PRRC2B: variants seen among roughly 807,000 people sequenced by gnomAD.
The protein encoded by PRRC2B is proline rich coiled-coil 2B.
PRRC2B carries 68 observed loss-of-function variants against 242.3 expected under a neutral mutation model. That is an observed-to-expected ratio of 0.28 (90% confidence interval 0.23 to 0.34). The LOEUF is 0.34. Ranked by LOEUF, PRRC2B falls within the 10% of genes least tolerant of loss-of-function variation. PRRC2B has a pLI of 1.00. For missense variants in PRRC2B, 2,835 were observed against 2,954.8 expected (o/e 0.96, Z 0.94); for synonymous variants, 1,228 against 1,173.6 (o/e 1.05, Z -0.95).
chr9:131,396,173 C>T (rs1406256680), intron 1 of PRRC2B, among the ~76,000 whole-genome samples: 1 of 152,054 alleles, frequency 6.6e-6, no homozygotes, highest in Non-Finnish European at 1.5e-5. Context: ...ATTGTTTTCT[C>T]TCCATAGGAA....
intron 3 of PRRC2B, among the ~76,000 whole-genome samples, chr9:131,433,854 T>G (rs1838256840): frequency 6.6e-6 from 1 of 152,226 alleles, no homozygotes; most frequent in Non-Finnish European, 1.5e-5. Context: ...GTGAGCTAGT[T>G]TAGTTATTCA....
At chr9:131,478,763 G>GT in intron 18 of PRRC2B, 144 bp downstream of exon 18, 1 of 621,052 alleles carries the variant, frequency 1.6e-6, no homozygotes, top group Non-Finnish European at 2.8e-6. Context: ...AGCACACATT[G>GT]TCTCCCCGTT....
chr9:131,479,579 C>T (rs773459805), intron 19 of PRRC2B, among the ~76,000 whole-genome samples, 186 bp downstream of exon 19: 5 of 137,998 alleles, frequency 3.6e-5, no homozygotes, highest in Non-Finnish European at 7.8e-5. Context: ...TGCTGCAACC[C>T]CCAAACGGAT....
chr9:131,467,584 A>G lies in PRRC2B; in HGVS notation c.1742A>G (p.Gln581Arg), dbSNP rs781192867. ...VHKGSPEFPA[Q>R]ETPTTFPEEA... ...CTAGGCTCCCCAGAATTCCCTGCCC[A>G]AGAGACCCCCACCACATTCCCAGAA... The change falls in exon 13 of 32, where the codon CAA becomes CGA. Residue 581 changes from glutamine (Q) to arginine (R), a missense_variant. Coordinates refer to ENST00000683519, the MANE Select transcript of PRRC2B (RefSeq NM_013318.4). 2.5e-6 allele frequency: 4 copies of G among 1,610,502 alleles called. No homozygotes were observed. The South Asian group carries it at 3.3e-5, about 13-fold the overall frequency.
intron 1 of PRRC2B, among the ~76,000 whole-genome samples, chr9:131,411,530 TAG>T (rs780931229): frequency 2.6e-5 from 4 of 151,616 alleles, no homozygotes; most frequent in African/African-American, 4.8e-5. Context: ...GTATTTTTAG[TAG>T]AGACAGGGTT....
rs1464917209 is a variant in PRRC2B at position 131,500,177 on chromosome 9, AAAAAAGTTT to A, written c.*4310_*4318del. ...TGAAAGAATTCTCCTTATTTAAATA[AAAAAAGTTT>A]AAAAAGATAAAGCTGAACGTGCTTT... On this transcript the variant is annotated 3_prime_UTR_variant, in exon 32 of 32. Transcript: ENST00000683519. 1.3e-5 allele frequency: 2 copies of A among 152,198 alleles called. No homozygotes were observed. Among genetic ancestry groups the A allele is most frequent in the Non-Finnish European group, 2.9e-5 (2 of 68,032 alleles). The allele number at this position is 152,198 out of a possible 1,614,324, so 9.4% of individuals were successfully genotyped here.
At chr9:131,394,301 CG>C (rs1438278764) in intron 1 of PRRC2B, 38 bp downstream of exon 1, 1 of 146,612 alleles carries the variant, frequency 6.8e-6, no homozygotes, top group Non-Finnish European at 1.5e-5. Context: ...GGCGTGGGGG[CG>C]GCGGCGCTAA....
intron 19 of PRRC2B, among the ~76,000 whole-genome samples, chr9:131,481,227 G>A (rs1414324515): frequency 2.7e-5 from 4 of 146,184 alleles, no homozygotes; most frequent in East Asian, 4.1e-4. Context: ...GGAGAATGGC[G>A]TGAACCCGGG....
At chr9:131,385,989 G>A (rs899362475) in intron 1 of PRRC2B, among the ~76,000 whole-genome samples, 2 of 150,506 alleles carry the variant, frequency 1.3e-5, no homozygotes, top group Non-Finnish European at 3.0e-5. Flanking sequence ...CACGGCGCCC[G>A]GCCATCATTC....
At chr9:131,428,810 A>G (rs1838043685) in intron 1 of PRRC2B, among the ~76,000 whole-genome samples, 1 of 152,212 alleles carries the variant, frequency 6.6e-6, no homozygotes, top group South Asian at 2.1e-4. Context: ...GATTATAGGC[A>G]TGAGCCACTG....
chr9:131,448,570 A>AAAGGAAAAAAAAAAAAG (rs1838902755), intron 9 of PRRC2B, among the ~76,000 whole-genome samples: 1 of 140,434 alleles, frequency 7.1e-6, no homozygotes, highest in African/African-American at 2.6e-5. Flanking sequence ...AAAAAAAAAA[A>AAAGGAAAAAAAAAAAAG]GGAAAGAGAA....
intron 5 of PRRC2B, 93 bp from the exon 6 acceptor site, chr9:131,444,092 C>G (rs143768882): frequency 2.3e-5 from 33 of 1,453,186 alleles, no homozygotes; most frequent in African/African-American, 2.2e-4. Flanking sequence ...AAGCCCACTT[C>G]CAGGCAACAC....
chr9:131,477,686 G>T, intron 16 of PRRC2B, 58 bp from the exon 17 acceptor site: 2 of 1,029,786 alleles, frequency 1.9e-6, no homozygotes, highest in Non-Finnish European at 2.9e-6. Context: ...CTGTGTGCAC[G>T]TGCGGTGTTT....
chr9:131,374,920 C>T (rs1244970969), intron 1 of PRRC2B, among the ~76,000 whole-genome samples: 1 of 151,708 alleles, frequency 6.6e-6, no homozygotes, highest in Non-Finnish European at 1.5e-5. Context: ...CCCCAGGGTA[C>T]CACTGCCTCT....
intron 3 of PRRC2B, among the ~76,000 whole-genome samples, chr9:131,434,232 A>AC (rs1357406030): frequency 6.6e-6 from 1 of 152,184 alleles, no homozygotes; most frequent in Non-Finnish European, 1.5e-5. Flanking sequence ...TTCCATTCAC[A>AC]CCATGAGCTC....
chr9:131,478,224 C>G (rs1292275487), intron 17 of PRRC2B, among the ~76,000 whole-genome samples: 1 of 414 alleles, frequency 2.4e-3, no homozygotes, highest in Non-Finnish European at 4.9e-3. Flanking sequence ...GGTGGTGTGT[C>G]CGAGGTCACA....
intron 1 of PRRC2B, among the ~76,000 whole-genome samples, chr9:131,385,784 C>G (rs1836818483): frequency 6.7e-6 from 1 of 149,184 alleles, no homozygotes. Flanking sequence ...AGCTCCGCCT[C>G]CTGGGTTCAC....
At chr9:131,445,768 C>A (rs1218328673) in intron 6 of PRRC2B, among the ~76,000 whole-genome samples, 1 of 152,182 alleles carries the variant, frequency 6.6e-6, no homozygotes, top group African/African-American at 2.4e-5. Context: ...TCTGTTGTCT[C>A]ATTTGATTTC....
chr9:131,431,134 T>G (rs1157568880), intron 2 of PRRC2B, among the ~76,000 whole-genome samples: 1 of 151,700 alleles, frequency 6.6e-6, no homozygotes, highest in African/African-American at 2.4e-5. Context: ...TTTTTGTTTT[T>G]TGTTTTTCTT....
Sources: allele counts gnomAD v4.1 joint callset (sites outside exome capture counted in the v4.1 genomes callset), GRCh38; gene constraint gnomAD v4.1.1; transcripts MANE v1.5; gene names NCBI Gene and HGNC (gene_info 2026-07-23, HGNC 2026-07-21).